JAZF1: variants seen among roughly 807,000 people sequenced by gnomAD.
JAZF1 encodes the protein JAZF zinc finger 1, also known as juxtaposed with another zinc finger protein 1.
A neutral mutation model predicts 26.4 loss-of-function variants in JAZF1; 8 were observed. The observed-to-expected ratio is 0.30, with a 90% CI of 0.18 to 0.55. JAZF1 has a LOEUF of 0.55. Ranked by LOEUF, JAZF1 falls within the 20% of genes least tolerant of loss-of-function variation. The probability of loss-of-function intolerance (pLI) is 0.94; values close to 1 mark genes in which losing one functional copy is unlikely to be tolerated. For synonymous variants in JAZF1, 126 were observed against 122.3 expected, an observed-to-expected ratio of 1.03 and a Z score of -0.20; for missense variants, 199 against 322.0, an observed-to-expected ratio of 0.62 and a Z score of 2.92.
chr7:28,119,725 T>C (rs1676063501), intron 1 of JAZF1, among the ~76,000 whole-genome samples: 1 of 152,248 alleles, frequency 6.6e-6, no homozygotes, highest in African/African-American at 2.4e-5. Flanking sequence ...ATGCCATTAA[T>C]CATTTCATTA....
chr7:28,083,243 G>A (rs951090059), intron 1 of JAZF1, among the ~76,000 whole-genome samples: 3 of 152,010 alleles, frequency 2.0e-5, no homozygotes, highest in African/African-American at 4.8e-5. Context: ...TTCCTGTAAC[G>A]TCTCAGTATC....
intron 1 of JAZF1, among the ~76,000 whole-genome samples, chr7:28,053,748 T>C (rs1298688052): frequency 1.3e-5 from 2 of 152,170 alleles, no homozygotes; most frequent in Non-Finnish European, 1.5e-5. Flanking sequence ...ACTTGGCTTT[T>C]GAGCAAAGGA....
chr7:28,171,917 C>CATA, intron 1 of JAZF1, among the ~76,000 whole-genome samples: 1 of 152,152 alleles, frequency 6.6e-6, no homozygotes, highest in South Asian at 2.1e-4. Flanking sequence ...TGTGGGCCTG[C>CATA]AGATTCAGAC....
intron 1 of JAZF1, among the ~76,000 whole-genome samples, chr7:28,170,337 A>ATGTGTGTGTGTGTGTGTG (rs61200785): frequency 1.5e-4 from 15 of 98,466 alleles, no homozygotes; most frequent in Non-Finnish European, 3.1e-4. Context: ...AGAAGTTGAT[A>ATGTGTGTGTGTGTGTGTG]TGTGTGTGTG....
chr7:28,107,636 T>C (rs1369789556), intron 1 of JAZF1, among the ~76,000 whole-genome samples: 1 of 152,166 alleles, frequency 6.6e-6, no homozygotes, highest in Non-Finnish European at 1.5e-5. Flanking sequence ...TAAGTGAACG[T>C]AGTCAACCCA....
At chr7:27,952,744 C>A (rs1436060260) in intron 2 of JAZF1, among the ~76,000 whole-genome samples, 1 of 152,216 alleles carries the variant, frequency 6.6e-6, no homozygotes, top group East Asian at 1.9e-4. Context: ...TATCAAATTT[C>A]ATCTGTTTTC....
At chr7:28,037,589 T>C (rs975243963) in intron 1 of JAZF1, among the ~76,000 whole-genome samples, 3 of 152,210 alleles carry the variant, frequency 2.0e-5, no homozygotes, top group African/African-American at 7.2e-5. Flanking sequence ...GAGCCTCTTT[T>C]TCCTCGTGTG....
chr7:27,907,868 T>C (rs989506854), intron 2 of JAZF1, among the ~76,000 whole-genome samples: 1 of 152,190 alleles, frequency 6.6e-6, no homozygotes, highest in Admixed American at 6.5e-5. Context: ...TGTGCTGCTT[T>C]GGGACTCAGC....
intron 1 of JAZF1, chr7:28,020,507 T>C (rs918629265): frequency 4.1e-5 from 19 of 467,930 alleles, no homozygotes; most frequent in Non-Finnish European, 8.0e-5. Flanking sequence ...CCCCTAGGAC[T>C]GATCCCATAC....
chr7:27,845,358 G>A (rs1783000431), intron 3 of JAZF1, among the ~76,000 whole-genome samples: 1 of 152,126 alleles, frequency 6.6e-6, no homozygotes, highest in African/African-American at 2.4e-5. Flanking sequence ...ACTTCAGAAT[G>A]AACAATGCAG....
chr7:27,859,915 T>C (rs1040629587), intron 3 of JAZF1, among the ~76,000 whole-genome samples: 1 of 152,224 alleles, frequency 6.6e-6, no homozygotes, highest in African/African-American at 2.4e-5. Context: ...CTGTAAAGTC[T>C]ACGATAATTG....
intron 1 of JAZF1, among the ~76,000 whole-genome samples, chr7:28,135,357 T>G (rs548502961): frequency 6.6e-6 from 1 of 152,316 alleles, no homozygotes; most frequent in African/African-American, 2.4e-5. Flanking sequence ...TTTCACCACG[T>G]AGCACTAAAT....
At chr7:27,846,356 C>T (rs554038216) in intron 3 of JAZF1, 94 of 351,260 alleles carry the variant, frequency 2.7e-4, no homozygotes, top group African/African-American at 1.8e-3. Flanking sequence ...TACACGTATA[C>T]GTGTACATAT....
At chr7:28,026,955 C>T (rs757439433) in intron 1 of JAZF1, among the ~76,000 whole-genome samples, 1 of 152,216 alleles carries the variant, frequency 6.6e-6, no homozygotes, top group Non-Finnish European at 1.5e-5. Context: ...CACACCTTCC[C>T]TCCTATTCGC....
At chr7:27,866,094 G>A (rs73684079) in intron 3 of JAZF1, among the ~76,000 whole-genome samples, 3,592 of 152,302 alleles carry the variant, frequency 0.024, 118 homozygotes, top group African/African-American at 0.078. Flanking sequence ...ACCTCAGCTC[G>A]TCTTCATCGA....
intron 1 of JAZF1, among the ~76,000 whole-genome samples, chr7:28,162,922 T>C (rs1399196540): frequency 1.3e-5 from 2 of 152,196 alleles, no homozygotes; most frequent in Admixed American, 6.5e-5. Flanking sequence ...AGAGGAAACA[T>C]CTGAATACGA....
chr7:28,055,350 C>A (rs1783686453), intron 1 of JAZF1, among the ~76,000 whole-genome samples: 1 of 152,020 alleles, frequency 6.6e-6, no homozygotes, highest in Non-Finnish European at 1.5e-5. Flanking sequence ...AACTCCCTGG[C>A]CTGGCACTCA....
At chr7:27,836,091 C>CA (rs1279915954) in intron 4 of JAZF1, among the ~76,000 whole-genome samples, 1 of 152,178 alleles carries the variant, frequency 6.6e-6, no homozygotes, top group African/African-American at 2.4e-5. Flanking sequence ...CAGGGATGTC[C>CA]AATCCATAGT....
At position 27,832,272 on chromosome 7, in the gene JAZF1, ATTCT is replaced by A. The variant is rs1157997829; in HGVS notation, c.*524_*527del. 22 of 212,198 alleles carry A rather than the reference ATTCT, an allele frequency of 1.0e-4. No individual in the cohort carries two copies. Among genetic ancestry groups the A allele is most frequent in the Non-Finnish European group, 1.5e-4 (16 of 104,628 alleles). The allele number at this position is 212,198 out of a possible 1,614,324, so 13.1% of individuals were successfully genotyped here. ...ATATTTTTAGCATATTATGTTAAAC[ATTCT>A]TTCTTATTTATATTTCCATTACCTA... On this transcript the variant is annotated 3_prime_UTR_variant, in exon 5 of 5. Coordinates refer to ENST00000283928, the MANE Select transcript of JAZF1 (RefSeq NM_175061.4).
Sources: gnomAD v4.1 joint callset for allele counts (sites outside exome capture counted in the v4.1 genomes callset) on GRCh38, gnomAD v4.1.1 for gene constraint, MANE v1.5 for transcripts, NCBI Gene and HGNC (gene_info 2026-07-23, HGNC 2026-07-21) for gene names.